LARGE1: variants seen among roughly 807,000 people sequenced by gnomAD.
LARGE1 encodes the protein xylosyl- and glucuronyltransferase LARGE1.
A neutral mutation model predicts 87.6 loss-of-function variants in LARGE1; 43 were observed. That is an observed-to-expected ratio of 0.49 (90% CI 0.38 to 0.63). The LOEUF (loss-of-function observed/expected upper bound fraction) is 0.63. Ranked by LOEUF, LARGE1 falls within the 30% of genes least tolerant of loss-of-function variation. The pLI is 0.00. For synonymous variants in LARGE1, 434 were observed against 394.6 expected (o/e 1.10, Z -1.18); for missense variants, 802 against 1,000.2 (o/e 0.80, Z 2.67).
exon 12 of LARGE1, chr22:33,166,063 T>C (rs1922250958): frequency 6.6e-6 from 1 of 152,248 alleles, no homozygotes; most frequent in Admixed American, 6.5e-5. Flanking sequence ...ATGATGCTTA[T>C]GATGATTCTT....
At chr22:33,536,911 A>C (rs2077059958) in intron 6 of LARGE1, among the ~76,000 whole-genome samples, 1 of 152,206 alleles carries the variant, frequency 6.6e-6, no homozygotes, top group African/African-American at 2.4e-5. Context: ...TCCCGGGTTC[A>C]AGCGATTTTC....
intron 1 of LARGE1, among the ~76,000 whole-genome samples, chr22:33,835,649 G>A (rs564093232): frequency 8.5e-5 from 13 of 152,306 alleles, no homozygotes; most frequent in Non-Finnish European, 1.3e-4. Flanking sequence ...TCGTTATAAC[G>A]AAGAGCTAAG....
chr22:33,602,594 C>T (rs2079140612), intron 5 of LARGE1, among the ~76,000 whole-genome samples: 1 of 152,096 alleles, frequency 6.6e-6, no homozygotes. Flanking sequence ...GTCTCGAACT[C>T]CTGGGATCAA....
At chr22:33,542,041 A>G (rs1345539804) in intron 6 of LARGE1, among the ~76,000 whole-genome samples, 1 of 151,918 alleles carries the variant, frequency 6.6e-6, no homozygotes, top group Non-Finnish European at 1.5e-5. Flanking sequence ...GGCTGCCTGG[A>G]ATCCCAGCTA....
chr22:33,368,899 C>A (rs2064698756), intron 9 of LARGE1, among the ~76,000 whole-genome samples: 1 of 152,088 alleles, frequency 6.6e-6, no homozygotes, highest in Non-Finnish European at 1.5e-5. Flanking sequence ...GATCACCTGG[C>A]CTTCAGTGAG....
chr22:33,361,295 C>T (rs1405690741), intron 9 of LARGE1, among the ~76,000 whole-genome samples: 1 of 149,538 alleles, frequency 6.7e-6, no homozygotes, highest in Non-Finnish European at 1.5e-5. Context: ...CTTCTTCAGC[C>T]TCTTGGAGCT....
chr22:33,195,986 C>A (rs1186407231), intron 11 of LARGE1, among the ~76,000 whole-genome samples: 1 of 151,624 alleles, frequency 6.6e-6, no homozygotes, highest in Non-Finnish European at 1.5e-5. Flanking sequence ...TCTCGATCTC[C>A]TGACCTCGTG....
chr22:33,342,607 GA>G (rs1939282947), intron 9 of LARGE1, among the ~76,000 whole-genome samples: 1 of 152,160 alleles, frequency 6.6e-6, no homozygotes, highest in Non-Finnish European at 1.5e-5. Context: ...ACAGAGAAAT[GA>G]GTCTGCCCAA....
intron 11 of LARGE1, among the ~76,000 whole-genome samples, chr22:33,241,121 G>C (rs966613281): frequency 1.6e-4 from 24 of 152,172 alleles, no homozygotes; most frequent in African/African-American, 4.8e-4. Flanking sequence ...GCATGGTCAA[G>C]CTTCTTCATA....
chr22:33,719,807 A>G (rs1294729021), intron 2 of LARGE1, among the ~76,000 whole-genome samples: 4 of 152,216 alleles, frequency 2.6e-5, no homozygotes, highest in Admixed American at 6.5e-5. Flanking sequence ...GACGTGAGCC[A>G]CCGCACCTGG....
intron 11 of LARGE1, among the ~76,000 whole-genome samples, chr22:33,167,691 C>T (rs544338076): frequency 3.9e-5 from 6 of 152,258 alleles, no homozygotes; most frequent in African/African-American, 9.6e-5. Flanking sequence ...CCCAAGAATC[C>T]GAGTTCTTAA....
At chr22:33,773,029 G>A (rs910637426) in intron 1 of LARGE1, among the ~76,000 whole-genome samples, 17 of 152,210 alleles carry the variant, frequency 1.1e-4, no homozygotes, top group Non-Finnish European at 2.2e-4. Flanking sequence ...GGTCCCTGAG[G>A]CAATGGGGTA....
intron 6 of LARGE1, among the ~76,000 whole-genome samples, chr22:33,548,418 G>A (rs902228980): frequency 1.0e-5 from 1 of 98,746 alleles, no homozygotes; most frequent in Non-Finnish European, 2.4e-5. Flanking sequence ...CAGGCATTCC[G>A]TTTTTTTTTT....
At chr22:33,898,801 C>T (rs886336254) in intron 1 of LARGE1, among the ~76,000 whole-genome samples, 1 of 152,192 alleles carries the variant, frequency 6.6e-6, no homozygotes, top group Non-Finnish European at 1.5e-5. Context: ...ATAAAACCAA[C>T]CCATTATGCA....
At chr22:33,642,714 A>AG (rs2080479905) in intron 3 of LARGE1, among the ~76,000 whole-genome samples, 1 of 137,482 alleles carries the variant, frequency 7.3e-6, no homozygotes, top group Non-Finnish European at 1.6e-5. Context: ...GGAAAGCAAA[A>AG]AAAAAAAAAA....
chr22:33,783,360 T>A (rs1313624832), intron 1 of LARGE1, among the ~76,000 whole-genome samples: 1 of 151,894 alleles, frequency 6.6e-6, no homozygotes, highest in Non-Finnish European at 1.5e-5. Flanking sequence ...AGGTCAGGAG[T>A]TCGAGAACAG....
At chr22:33,582,711 C>T (rs1178715010) in intron 5 of LARGE1, among the ~76,000 whole-genome samples, 1 of 152,210 alleles carries the variant, frequency 6.6e-6, no homozygotes, top group African/African-American at 2.4e-5. Context: ...GGGCTCCAAG[C>T]TCCAGGTGCT....
At chr22:33,679,325 C>G (rs1186334310) in intron 2 of LARGE1, among the ~76,000 whole-genome samples, 1 of 152,188 alleles carries the variant, frequency 6.6e-6, no homozygotes, top group Non-Finnish European at 1.5e-5. Context: ...GCCCCAGCAC[C>G]TCAGAATGTG....
chr22:33,875,228 T>G (rs1037106529), intron 1 of LARGE1, among the ~76,000 whole-genome samples: 1 of 152,210 alleles, frequency 6.6e-6, no homozygotes, highest in Non-Finnish European at 1.5e-5. Flanking sequence ...AATATGTATC[T>G]CTACCCACAC....
Sources: allele counts gnomAD v4.1 joint callset (sites outside exome capture counted in the v4.1 genomes callset), GRCh38; gene constraint gnomAD v4.1.1; transcripts MANE v1.5; gene names NCBI Gene and HGNC (gene_info 2026-07-23, HGNC 2026-07-21).